Variants in SLC16A7 observed in about 807,000 individuals in gnomAD.
SLC16A7 encodes monocarboxylate transporter 2.
Under a neutral mutation model 34.9 loss-of-function variants are expected in SLC16A7, and 33 were observed. The observed-to-expected ratio is 0.94, with a 90% CI of 0.72 to 1.26. The LOEUF (loss-of-function observed/expected upper bound fraction) is 1.26, where lower values mean the gene tolerates loss of function less well. SLC16A7 is among the 50% of genes most tolerant of loss of function. The pLI, the probability that SLC16A7 is intolerant of heterozygous loss-of-function variation, is 0.00. For missense variants in SLC16A7, 573 were observed against 578.1 expected, an observed-to-expected ratio of 0.99 and a Z score of 0.09; for synonymous variants, 201 against 206.6, an observed-to-expected ratio of 0.97 and a Z score of 0.23.
intron 1 of SLC16A7, among the ~76,000 whole-genome samples, chr12:59,636,391 T>G (rs947035136): frequency 1.3e-5 from 2 of 152,296 alleles, no homozygotes; most frequent in Admixed American, 6.5e-5. Flanking sequence ...CTGATTAAGT[T>G]ATTCTACAGA....
rs146813551 is a variant in SLC16A7, at chr12:59,677,842, T to A, written c.-31+22592T>A. Among the ~76,000 whole-genome samples the A allele has an allele frequency of 3.9e-3, 600 of 152,336 alleles. 8 individuals are homozygous for A. Among genetic ancestry groups the A allele is most frequent in the African/African-American group, 0.013 (523 of 41,582 alleles). ...CTACATAGGTCATGGTGCCATGGTG[T>A]CTCTTACTTCCAGGACATACAAATA... On this transcript the variant is annotated intron_variant, in intron 2 of 5. Transcript: ENST00000547379.
At chr12:59,693,189 A>T (rs184480573) in intron 2 of SLC16A7, among the ~76,000 whole-genome samples, 9 of 152,046 alleles carry the variant, frequency 5.9e-5, no homozygotes, top group Non-Finnish European at 5.9e-5. Flanking sequence ...ATAGTCTAAG[A>T]ACTATTGATT....
At chr12:59,605,863 T>G (rs531444976) in intron 1 of SLC16A7, among the ~76,000 whole-genome samples, 7 of 152,280 alleles carry the variant, frequency 4.6e-5, no homozygotes, top group Non-Finnish European at 1.0e-4. Flanking sequence ...CCCAATGAAA[T>G]TTCGACTAAG....
chr12:59,697,078 C>G (rs1249831379), intron 2 of SLC16A7, among the ~76,000 whole-genome samples: 3 of 151,874 alleles, frequency 2.0e-5, no homozygotes, highest in Non-Finnish European at 2.9e-5. Flanking sequence ...TGTGTAGCAT[C>G]TGAGAAAATA....
At chr12:59,658,381 G>A (rs1277865508) in intron 2 of SLC16A7, among the ~76,000 whole-genome samples, 1 of 152,010 alleles carries the variant, frequency 6.6e-6, no homozygotes, top group Non-Finnish European at 1.5e-5. Context: ...GGATCTTTGG[G>A]TAGCCTTGGA....
At chr12:59,763,076 A>G (rs1250981256) in intron 3 of SLC16A7, among the ~76,000 whole-genome samples, 1 of 152,078 alleles carries the variant, frequency 6.6e-6, no homozygotes, top group East Asian at 1.9e-4. Flanking sequence ...ATATTCTATT[A>G]TACTTTTATA....
chr12:59,713,137 A>G (rs1248249970), intron 3 of SLC16A7, among the ~76,000 whole-genome samples: 1 of 151,610 alleles, frequency 6.6e-6, no homozygotes, highest in Non-Finnish European at 1.5e-5. Flanking sequence ...CTCCCTCCTC[A>G]GCCTCTTGAG....
At chr12:59,700,031 G>A (rs1191100020) in intron 2 of SLC16A7, among the ~76,000 whole-genome samples, 1 of 151,412 alleles carries the variant, frequency 6.6e-6, no homozygotes, top group African/African-American at 2.4e-5. Context: ...AGAAAACTGT[G>A]AAGTGTTTTA....
intron 3 of SLC16A7, among the ~76,000 whole-genome samples, chr12:59,765,287 G>C (rs566730454): frequency 1.3e-5 from 2 of 152,242 alleles, no homozygotes; most frequent in African/African-American, 2.4e-5. Context: ...TAGGTTGCCT[G>C]TTCACTCTGA....
At chr12:59,611,152 C>T (rs1436023372) in intron 1 of SLC16A7, among the ~76,000 whole-genome samples, 1 of 152,176 alleles carries the variant, frequency 6.6e-6, no homozygotes, top group East Asian at 1.9e-4. Context: ...AATCTGTTCT[C>T]ATGCTGCTAT....
chr12:59,612,069 G>A (rs960496236), intron 1 of SLC16A7, among the ~76,000 whole-genome samples: 13 of 152,290 alleles, frequency 8.5e-5, no homozygotes, highest in East Asian at 1.9e-4. Flanking sequence ...TCCACCAGGC[G>A]GTGCCCCGAT....
At chr12:59,693,806 C>A (rs1871951894) in intron 2 of SLC16A7, among the ~76,000 whole-genome samples, 2 of 151,548 alleles carry the variant, frequency 1.3e-5, no homozygotes, top group Admixed American at 1.3e-4. Context: ...TAATTTTATG[C>A]AGAAAAAGTT....
At chr12:59,756,713 C>G (rs1312190351) in intron 3 of SLC16A7, among the ~76,000 whole-genome samples, 1 of 137,174 alleles carries the variant, frequency 7.3e-6, no homozygotes, top group Non-Finnish European at 1.5e-5. Context: ...CCTCAGGGAT[C>G]TAGAACTAGA....
At chr12:59,638,340 A>G (rs1013757752) in intron 1 of SLC16A7, among the ~76,000 whole-genome samples, 4 of 152,114 alleles carry the variant, frequency 2.6e-5, no homozygotes, top group Non-Finnish European at 5.9e-5. Context: ...CTTGCTTTAG[A>G]GAAGAGGGGT....
At chr12:59,757,044 G>C (rs1880440419) in intron 3 of SLC16A7, among the ~76,000 whole-genome samples, 1 of 140,970 alleles carries the variant, frequency 7.1e-6, no homozygotes, top group African/African-American at 2.7e-5. Context: ...CTCATAGGTG[G>C]GAATTGAACA....
intron 3 of SLC16A7, among the ~76,000 whole-genome samples, chr12:59,730,054 A>G (rs1876750686): frequency 6.6e-6 from 1 of 152,142 alleles, no homozygotes; most frequent in Admixed American, 6.5e-5. Flanking sequence ...CCACTTGTGG[A>G]AATCTAGATT....
At chr12:59,659,208 G>GCACA (rs111940721) in intron 2 of SLC16A7, among the ~76,000 whole-genome samples, 8 of 149,622 alleles carry the variant, frequency 5.3e-5, no homozygotes, top group Middle Eastern at 3.5e-3. Context: ...GCATGTGCAC[G>GCACA]CACACACACA....
chr12:59,612,847 A>T (rs1207527731), intron 1 of SLC16A7, among the ~76,000 whole-genome samples: 1 of 152,198 alleles, frequency 6.6e-6, no homozygotes, highest in Non-Finnish European at 1.5e-5. Flanking sequence ...CCCAGACTTC[A>T]TTGTACATAT....
intron 3 of SLC16A7, among the ~76,000 whole-genome samples, chr12:59,714,271 A>G (rs1030642042): frequency 1.3e-5 from 2 of 152,228 alleles, no homozygotes; most frequent in African/African-American, 4.8e-5. Flanking sequence ...CCTGGGCCAC[A>G]TATTGTATCC....
Sources: gnomAD v4.1 joint callset for allele counts (sites outside exome capture counted in the v4.1 genomes callset) on GRCh38, gnomAD v4.1.1 for gene constraint, MANE v1.5 for transcripts, NCBI Gene and HGNC (gene_info 2026-07-23, HGNC 2026-07-21) for gene names.